STOML3: variants seen among roughly 807,000 people sequenced by gnomAD.
The protein encoded by STOML3 is stomatin like 3, also known as stomatin-like protein 3.
A neutral mutation model predicts 29.5 loss-of-function variants in STOML3; 31 were observed. The observed-to-expected ratio is 1.05, with a 90% CI of 0.79 to 1.42. The LOEUF is 1.42. STOML3 is among the 40% of genes most tolerant of loss of function. The pLI is 0.00. For synonymous variants in STOML3, 122 were observed against 139.8 expected (o/e 0.87, Z 0.90); for missense variants, 380 against 363.0 (o/e 1.05, Z -0.38).
At chr13:38,980,290 T>G (rs1881227793) in intron 1 of STOML3, among the ~76,000 whole-genome samples, 1 of 152,114 alleles carries the variant, frequency 6.6e-6, no homozygotes, top group African/African-American at 2.4e-5. Flanking sequence ...GCTGTCACCT[T>G]CCCTGCAGGC....
At chr13:38,971,688 C>T (rs1448548285) in intron 4 of STOML3, among the ~76,000 whole-genome samples, 2 of 152,070 alleles carry the variant, frequency 1.3e-5, no homozygotes, top group African/African-American at 4.8e-5. Flanking sequence ...TTTGGGAGGC[C>T]GAAGCAGGCA....
At chr13:38,988,701 TA>T (rs998811794) in intron 1 of STOML3, among the ~76,000 whole-genome samples, 1 of 138,290 alleles carries the variant, frequency 7.2e-6, no homozygotes, top group Non-Finnish European at 1.5e-5. Flanking sequence ...AACACATCAT[TA>T]AAAAGGTGAA....
chr13:38,990,811 A>T lies in STOML3; in HGVS notation c.-90T>A. ...AGGCAGCAACTCAGATGTGCTTGGG[A>T]GAGGGGAGAGGAGAAAGTATGAGAG... On this transcript the variant is annotated 5_prime_UTR_variant, in exon 1 of 7. Transcript: ENST00000379631. 8.5e-7 allele frequency: 1 copy of T among 1,171,366 alleles called. No individual in the cohort carries two copies. Among genetic ancestry groups the T allele is most frequent in the Non-Finnish European group, 1.3e-6 (1 of 791,502 alleles). The allele number at this position is 1,171,366 out of a possible 1,614,324, so 72.6% of individuals were successfully genotyped here.
rs1312411446 is a variant in STOML3, at chr13:38,968,519, C to T, written c.532G>A (p.Ala178Thr). ...AHSIQTLLDDATELWGIRVAR... is the reference protein window; with the variant it reads ...AHSIQTLLDDTTELWGIRVAR... ...ACCCGGATCCCCCACAGTTCGGTGG[C>T]ATCATCAAGTAAAGTCTGTTTCCAA... The change falls in exon 6 of 7, where the codon GCC (alanine) becomes ACC (threonine). Residue 178 changes from alanine (A) to threonine (T), a missense_variant. Physicochemically the swap from Ala to Thr is moderately conservative, Grantham distance 58. Coordinates refer to ENST00000379631, the MANE Select transcript of STOML3 (RefSeq NM_145286.3). The T allele has an allele frequency of 4.3e-6, 7 of 1,614,138 alleles. No individual in the cohort carries two copies. The highest frequency in any genetic ancestry group is 1.3e-5 in the African/African-American group (1 of 75,050).
intron 5 of STOML3, 124 bp downstream of exon 5, chr13:38,970,061 T>G: frequency 1.3e-6 from 1 of 772,768 alleles, no homozygotes; most frequent in Non-Finnish European, 2.1e-6. Flanking sequence ...AGCAGTTGTC[T>G]GTGTGTGAGT....
intron 3 of STOML3, among the ~76,000 whole-genome samples, chr13:38,975,055 C>CGTG (rs1881018952): frequency 6.6e-6 from 1 of 152,010 alleles, no homozygotes; most frequent in African/African-American, 2.4e-5. Context: ...GGCTGCTGGG[C>CGTG]GTGGTGGCTC....
chr13:38,986,311 A>C (rs1044601451), intron 1 of STOML3, among the ~76,000 whole-genome samples: 2 of 152,118 alleles, frequency 1.3e-5, no homozygotes, highest in Non-Finnish European at 2.9e-5. Context: ...CTGAGATTGC[A>C]GGCATGAGCC....
chr13:38,970,277 GA>G lies in STOML3; in HGVS notation c.423del (p.Leu142CysfsTer7), dbSNP rs1880814009. The G allele has an allele frequency of 6.2e-7, 1 of 1,614,078 alleles. No homozygotes were observed. The highest frequency in any genetic ancestry group is 8.5e-7 in the Non-Finnish European group (1 of 1,180,038). On this transcript the variant is annotated frameshift_variant, in exon 5 of 7. Coordinates refer to ENST00000379631, the MANE Select transcript of STOML3 (RefSeq NM_145286.3). LOFTEE classifies it high-confidence loss of function. ...TTTCTCAGAGTGGTTTGAGCCAGCAGAAATGTTGCTTGATGGACATCGTTGA... is the reference window on the plus strand; with the variant it reads ...TTTCTCAGAGTGGTTTGAGCCAGCAGAATGTTGCTTGATGGACATCGTTGA... ...ANVNDVHQATFLLAQTTLRNV... is the reference protein window; with the variant it reads ...ANVNDVHQATXLLAQTTLRNV...
intron 1 of STOML3, among the ~76,000 whole-genome samples, chr13:38,989,003 T>G (rs1054010948): frequency 6.8e-6 from 1 of 146,544 alleles, no homozygotes; most frequent in Admixed American, 7.0e-5. Flanking sequence ...ATATCATACA[T>G]TATATACTAT....
intron 1 of STOML3, among the ~76,000 whole-genome samples, chr13:38,984,354 C>A (rs1318840806): frequency 1.3e-5 from 2 of 152,190 alleles, no homozygotes; most frequent in African/African-American, 4.8e-5. Context: ...TCAGCTCAAA[C>A]ATCCCCTTCT....
intron 1 of STOML3, chr13:38,979,927 G>T: frequency 1.1e-6 from 1 of 917,870 alleles, no homozygotes; most frequent in South Asian, 1.4e-5. Context: ...GCAGGCAGCT[G>T]GGACTCCAAC....
Position 38,970,240 on chromosome 13 carries a change from G to A in STOML3, c.461C>T (p.Thr154Ile). 1 of 1,614,122 alleles carries A rather than the reference G, an allele frequency of 6.2e-7. No homozygotes were observed. The highest frequency in any genetic ancestry group is 8.5e-7 in the Non-Finnish European group (1 of 1,179,992). Residue 154 changes from threonine to isoleucine, a missense_variant, in exon 5 of 7, where the codon ACA becomes ATA. Transcript: ENST00000379631. ...AGCTAAGATCTGGGACAAGGTCTGT[G>A]TCCCTAAGACATTTCTCAGAGTGGT... ...AQTTLRNVLG[T>I]QTLSQILAGR...
chr13:38,985,907 C>CTTTTTTTTTTTT (rs1868500200), intron 1 of STOML3, among the ~76,000 whole-genome samples: 1 of 23,672 alleles, frequency 4.2e-5, no homozygotes, highest in African/African-American at 1.4e-4. Flanking sequence ...TTTTTCTTTT[C>CTTTTTTTTTTTT]TTTCTTTTTT....
At position 38,972,581 on chromosome 13, in the gene STOML3, G is replaced by T; in HGVS notation, c.243C>A (p.Val81=). The change falls in exon 4 of 7, where the codon GTC becomes GTA. Residue 81 remains valine (V), a synonymous_variant. Transcript: ENST00000379631. ...TGACAAACACATCTATGCATGGCAG[G>T]ACCAGGATCAAACCTATGAGAGAAA... ...DKAKGPGLIL[V]LPCIDVFVKV... 1 of 1,613,896 alleles carries T rather than the reference G, an allele frequency of 6.2e-7. No individual in the cohort carries two copies. Among genetic ancestry groups the T allele is most frequent in the African/African-American group, 1.3e-5 (1 of 75,028 alleles).
intron 1 of STOML3, among the ~76,000 whole-genome samples, chr13:38,978,492 C>T (rs1881169804): frequency 6.6e-6 from 1 of 152,082 alleles, no homozygotes; most frequent in Non-Finnish European, 1.5e-5. Context: ...CTCCTTATTC[C>T]CTTCTCCTTG....
intron 1 of STOML3, chr13:38,979,919 A>C: frequency 2.4e-6 from 2 of 836,992 alleles, no homozygotes; most frequent in Non-Finnish European, 3.9e-6. Flanking sequence ...CAGCACACGC[A>C]GGCAGCTGGG....
At chr13:38,985,038 C>T (rs1868454128) in intron 1 of STOML3, among the ~76,000 whole-genome samples, 1 of 152,118 alleles carries the variant, frequency 6.6e-6, no homozygotes, top group Non-Finnish European at 1.5e-5. Flanking sequence ...TCTATTTTCT[C>T]TCAAAAAAGT....
chr13:38,984,403 G>T (rs908127739), intron 1 of STOML3, among the ~76,000 whole-genome samples: 5 of 152,062 alleles, frequency 3.3e-5, no homozygotes, highest in African/African-American at 9.7e-5. Flanking sequence ...TCACCTTTGG[G>T]TGCTCCTCTT....
chr13:38,972,566 A>G lies in STOML3; in HGVS notation c.258T>C (p.Asp86=). The change falls in exon 4 of 7, where the codon GAT becomes GAC. Residue 86 remains aspartate, a synonymous_variant. Coordinates refer to ENST00000379631, the MANE Select transcript of STOML3 (RefSeq NM_145286.3). Reference sequence around the variant, plus strand: ...TTCGGAGGTCAACTTTGACAAACACATCTATGCATGGCAGGACCAGGATCA... The same window carrying G: ...TTCGGAGGTCAACTTTGACAAACACGTCTATGCATGGCAGGACCAGGATCA... ...PGLILVLPCI[D]VFVKVDLRTV... The G allele has an allele frequency of 1.2e-6, 2 of 1,614,082 alleles. No homozygotes were observed. The highest frequency in any genetic ancestry group is 1.1e-5 in the South Asian group (1 of 91,088).
Sources: allele counts gnomAD v4.1 joint callset (sites outside exome capture counted in the v4.1 genomes callset), GRCh38; gene constraint gnomAD v4.1.1; transcripts MANE v1.5; gene names NCBI Gene and HGNC (gene_info 2026-07-23, HGNC 2026-07-21).